DPP10: variants seen among roughly 807,000 people sequenced by gnomAD.
The protein encoded by DPP10 is inactive dipeptidyl peptidase 10.
In DPP10, 33 loss-of-function variants were observed where a neutral mutation model predicts 120.9. The ratio of observed to expected loss-of-function variants is 0.27; its 90% CI spans 0.21 to 0.37. DPP10 has a LOEUF of 0.37. Ranked by LOEUF, DPP10 falls within the 10% of genes least tolerant of loss-of-function variation. The pLI, the probability that DPP10 is intolerant of heterozygous loss-of-function variation, is 1.00. For synonymous variants in DPP10, 337 were observed against 326.1 expected (o/e 1.03, Z -0.36); for missense variants, 816 against 942.8 (o/e 0.87, Z 1.76).
chr2:115,323,323 G>A (rs966789252), intron 2 of DPP10, among the ~76,000 whole-genome samples: 1 of 152,132 alleles, frequency 6.6e-6, no homozygotes, highest in Admixed American at 6.6e-5. Context: ...TTTTGAGATT[G>A]CAGCAGTTCA....
At chr2:115,326,115 T>C (rs1003992804) in intron 2 of DPP10, among the ~76,000 whole-genome samples, 2 of 152,180 alleles carry the variant, frequency 1.3e-5, no homozygotes, top group African/African-American at 4.8e-5. Flanking sequence ...GAATTGGTCA[T>C]TTGTAAAATA....
At chr2:115,417,575 GGTAT>G (rs1232919636) in intron 3 of DPP10, among the ~76,000 whole-genome samples, 1 of 152,108 alleles carries the variant, frequency 6.6e-6, no homozygotes, top group Admixed American at 6.5e-5. Flanking sequence ...CTATGATGTA[GGTAT>G]GTATGTCACC....
intron 1 of DPP10, among the ~76,000 whole-genome samples, chr2:114,727,898 A>G (rs1473369660): frequency 2.0e-5 from 3 of 152,200 alleles, no homozygotes; most frequent in Non-Finnish European, 4.4e-5. Flanking sequence ...TCAGCACATC[A>G]CTTAAAAACC....
At chr2:114,746,173 G>C (rs527536533) in intron 1 of DPP10, among the ~76,000 whole-genome samples, 2 of 151,510 alleles carry the variant, frequency 1.3e-5, no homozygotes, top group Non-Finnish European at 2.9e-5. Context: ...CCTAGTCCCT[G>C]TTTCCTTTTA....
At chr2:114,617,554 A>T (rs1693766098) in intron 1 of DPP10, among the ~76,000 whole-genome samples, 2 of 152,066 alleles carry the variant, frequency 1.3e-5, no homozygotes, top group African/African-American at 4.8e-5. Flanking sequence ...GACTCATGCT[A>T]AAATCATTTG....
chr2:114,817,704 G>A (rs1574259848), intron 1 of DPP10, among the ~76,000 whole-genome samples: 1 of 152,186 alleles, frequency 6.6e-6, no homozygotes, highest in East Asian at 1.9e-4. Context: ...GTGGAGAAAT[G>A]CATGTGACAT....
intron 1 of DPP10, among the ~76,000 whole-genome samples, chr2:114,581,173 C>CTTTTTTTTTTT (rs70937291): frequency 5.1e-5 from 4 of 77,892 alleles, no homozygotes; most frequent in Non-Finnish European, 6.8e-5. Flanking sequence ...TTTTTCTTCT[C>CTTTTTTTTTTT]TTTTTTTTTT....
At position 115,384,445 on chromosome 2, in the gene DPP10, GGAA is replaced by G. The variant is rs1453263699; in HGVS notation, c.271+40544_271+40546del. Among the ~76,000 whole-genome samples, 20 of 123,332 alleles carry G rather than the reference GGAA, an allele frequency of 1.6e-4. 1 individual carries two copies. The highest frequency in any genetic ancestry group is 2.3e-4 in the East Asian group (1 of 4,388). The allele number at this position is 123,332 out of a possible 152,430, so 80.9% of individuals were successfully genotyped here. A position where few individuals can be genotyped will look rare whatever the true frequency, so the allele number is the denominator to read the frequency against. Reference sequence around the variant, plus strand: ...AAGAAGAAGGAGAAGAAGAAGAGGAGGAAGAAGAAGAAGGAAGAAGAAGGAAGA... The same window carrying G: ...AAGAAGAAGGAGAAGAAGAAGAGGAGGAAGAAGAAGGAAGAAGAAGGAAGA... On this transcript the variant is annotated intron_variant, in intron 3 of 25. Coordinates refer to ENST00000410059, the MANE Select transcript of DPP10 (RefSeq NM_020868.6).
chr2:115,827,126 T>G (rs1310117153), intron 21 of DPP10, among the ~76,000 whole-genome samples: 1 of 151,918 alleles, frequency 6.6e-6, no homozygotes, highest in Admixed American at 6.6e-5. Flanking sequence ...CTTTGTTATT[T>G]GTTAATTATA....
At chr2:114,819,812 G>A (rs1685944573) in intron 1 of DPP10, among the ~76,000 whole-genome samples, 1 of 152,110 alleles carries the variant, frequency 6.6e-6, no homozygotes, top group Non-Finnish European at 1.5e-5. Flanking sequence ...AGCACAGTGT[G>A]GCATCCAAAT....
intron 1 of DPP10, among the ~76,000 whole-genome samples, chr2:114,938,237 A>C (rs1696629377): frequency 6.6e-6 from 1 of 152,140 alleles, no homozygotes; most frequent in Non-Finnish European, 1.5e-5. Context: ...AATATAGAAT[A>C]TGTATTTTAC....
chr2:115,784,162 G>A (rs189060812), intron 17 of DPP10, among the ~76,000 whole-genome samples: 1 of 152,122 alleles, frequency 6.6e-6, no homozygotes, highest in Non-Finnish European at 1.5e-5. Context: ...ACAAAAAAAG[G>A]CTGTGAATAG....
At chr2:115,456,359 G>T (rs535490127) in intron 3 of DPP10, among the ~76,000 whole-genome samples, 1 of 152,174 alleles carries the variant, frequency 6.6e-6, no homozygotes, top group Non-Finnish European at 1.5e-5. Context: ...TACGCTGTTG[G>T]TGGGACTGTA....
chr2:115,606,537 G>A (rs961694674), intron 5 of DPP10, among the ~76,000 whole-genome samples: 2 of 152,046 alleles, frequency 1.3e-5, no homozygotes, highest in Non-Finnish European at 2.9e-5. Flanking sequence ...GAATCTAGCA[G>A]CAGATCACAG....
rs1027322257 is a variant in DPP10, at chr2:114,621,940, G to A, written c.60+179102G>A. Among the ~76,000 whole-genome samples the A allele has an allele frequency of 2.6e-5, 4 of 151,858 alleles. No homozygotes were observed. In the South Asian group the frequency reaches 8.3e-4, roughly 32 times the overall value. ...TGACTAGCCCTGGGCTGGCTGCTGT[G>A]GCAGGGCACAAAGAAATGACCTCAG... is the stretch of plus-strand genomic sequence containing the variant. On this transcript the variant is annotated intron_variant, in intron 1 of 25. Transcript: ENST00000410059.
intron 1 of DPP10, among the ~76,000 whole-genome samples, chr2:114,975,607 C>A (rs1699703852): frequency 6.6e-6 from 1 of 152,102 alleles, no homozygotes; most frequent in Non-Finnish European, 1.5e-5. Flanking sequence ...TCTATCTTAA[C>A]TTAGCATTTT....
chr2:115,415,840 TTTA>T lies in DPP10; in HGVS notation c.271+71930_271+71932del, dbSNP rs1460273405. Among the ~76,000 whole-genome samples the T allele has an allele frequency of 3.3e-3, 272 of 83,390 alleles. 1 individual carries two copies. The highest frequency in any genetic ancestry group is 0.011 in the Middle Eastern group (2 of 178). 54.7% of individuals were successfully genotyped at this position (83,390 alleles called of 152,430 possible). ...GATCTGTCTTTATACCTGATTTGCT[TTTA>T]TATATATATATATATATATATATAT... is the stretch of plus-strand genomic sequence containing the variant. On this transcript the variant is annotated intron_variant, in intron 3 of 25. Transcript: ENST00000410059.
At chr2:114,726,235 A>G (rs1366474862) in intron 1 of DPP10, among the ~76,000 whole-genome samples, 1 of 93,742 alleles carries the variant, frequency 1.1e-5, no homozygotes, top group South Asian at 3.5e-4. Context: ...GACTACGTCT[A>G]AAAAAAAAAA....
At chr2:114,494,242 C>A (rs1489551030) in intron 1 of DPP10, among the ~76,000 whole-genome samples, 1 of 152,090 alleles carries the variant, frequency 6.6e-6, no homozygotes, top group Non-Finnish European at 1.5e-5. Flanking sequence ...TCTTCTGCCT[C>A]ATTTTCCTCA....
Sources: gnomAD v4.1 joint callset for allele counts (sites outside exome capture counted in the v4.1 genomes callset) on GRCh38, gnomAD v4.1.1 for gene constraint, MANE v1.5 for transcripts, NCBI Gene and HGNC (gene_info 2026-07-23, HGNC 2026-07-21) for gene names.